Variants in DNAH9 observed in about 807,000 individuals in gnomAD.
The protein encoded by DNAH9 is dynein axonemal heavy chain 9.
DNAH9 carries 345 observed loss-of-function variants against 471.6 expected under a neutral mutation model. That is an observed-to-expected ratio of 0.73 (90% CI 0.67 to 0.80). The LOEUF is 0.80. Ranked by LOEUF, DNAH9 falls within the 30% of genes least tolerant of loss-of-function variation. The pLI, the probability that DNAH9 is intolerant of heterozygous loss-of-function variation, is 0.00. For synonymous variants in DNAH9, 2,093 were observed against 2,123.6 expected (o/e 0.99, Z 0.40); for missense variants, 5,407 against 5,609.2 (o/e 0.96, Z 1.15).
intron 48 of DNAH9, among the ~76,000 whole-genome samples, chr17:11,825,858 G>A (rs1345137777): frequency 6.6e-6 from 1 of 152,178 alleles, no homozygotes; most frequent in Non-Finnish European, 1.5e-5. Flanking sequence ...AATGAGGGAA[G>A]AGGTTTTCTA....
At chr17:11,668,693 A>G (rs1291579396) in intron 15 of DNAH9, among the ~76,000 whole-genome samples, 1 of 148,156 alleles carries the variant, frequency 6.7e-6, no homozygotes, top group Non-Finnish European at 1.5e-5. Context: ...AAAACAATCA[A>G]TCTCTTCTCA....
At chr17:11,658,226 T>A (rs1427934516) in intron 14 of DNAH9, among the ~76,000 whole-genome samples, 4 of 152,140 alleles carry the variant, frequency 2.6e-5, no homozygotes, top group African/African-American at 9.7e-5. Flanking sequence ...TGTAGAAGTC[T>A]CACACATTTT....
Position 11,892,009 on chromosome 17 carries a change from G to T in DNAH9, c.11283+62G>T, listed in dbSNP as rs1973068005. On this transcript the variant is annotated intron_variant, in intron 58 of 68. Transcript: ENST00000262442. The surrounding 1 kb of genome is among the most constrained non-coding windows in gnomAD (Gnocchi z 4.3). ...TATTTTTAGTGCCCAGACAGCAGGT[G>T]TTAAGAAACTTTCTTCTTTGAACAT... The T allele has an allele frequency of 6.4e-7, 1 of 1,571,912 alleles. No individual in the cohort carries two copies. The highest frequency in any genetic ancestry group is 8.7e-7 in the Non-Finnish European group (1 of 1,148,918).
intron 35 of DNAH9, among the ~76,000 whole-genome samples, chr17:11,759,830 G>A (rs1597604798): frequency 2.0e-5 from 3 of 152,040 alleles, no homozygotes; most frequent in Admixed American, 2.0e-4. Context: ...GGGACTACAG[G>A]CACGTGCCAC....
intron 67 of DNAH9, among the ~76,000 whole-genome samples, chr17:11,956,811 C>T (rs1469719993): frequency 6.6e-6 from 1 of 151,312 alleles, no homozygotes; most frequent in Non-Finnish European, 1.5e-5. Context: ...GCATGAGATG[C>T]GAATATCAGC....
At chr17:11,709,528 A>G (rs1361363379) in intron 26 of DNAH9, among the ~76,000 whole-genome samples, 1 of 152,170 alleles carries the variant, frequency 6.6e-6, no homozygotes, top group South Asian at 2.1e-4. Flanking sequence ...TGATCCATAC[A>G]ACCTTTGCAC....
intron 38 of DNAH9, among the ~76,000 whole-genome samples, chr17:11,779,418 A>C (rs967971449): frequency 6.6e-6 from 1 of 152,166 alleles, no homozygotes; most frequent in Non-Finnish European, 1.5e-5. Context: ...AGCATGGCCA[A>C]GAAGGGATCA....
chr17:11,803,131 A>G (rs548522385), intron 43 of DNAH9, among the ~76,000 whole-genome samples: 1 of 152,294 alleles, frequency 6.6e-6, no homozygotes, highest in Admixed American at 6.5e-5. Flanking sequence ...TTTCCTTAGT[A>G]GTACCACTTT....
chr17:11,847,592 C>T (rs1971271230), intron 49 of DNAH9, among the ~76,000 whole-genome samples: 1 of 151,974 alleles, frequency 6.6e-6, no homozygotes, highest in African/African-American at 2.4e-5. Flanking sequence ...GTTTTGGTAC[C>T]AGTGCCATAA....
chr17:11,655,224 G>T (rs1358128099), intron 14 of DNAH9, among the ~76,000 whole-genome samples: 1 of 151,832 alleles, frequency 6.6e-6, no homozygotes, highest in Admixed American at 6.6e-5. Context: ...CCACTTATGA[G>T]TGAGAACATA....
rs1477319576 is a variant in DNAH9 at position 11,651,179 on chromosome 17, G to T, written c.2208G>T (p.Val736=). 1 of 1,614,088 alleles carries T rather than the reference G, an allele frequency of 6.2e-7. No individual in the cohort carries two copies. The highest frequency in any genetic ancestry group is 1.7e-5 in the Admixed American group (1 of 60,014). Residue 736 remains valine (V), a synonymous_variant, in exon 13 of 69, where the codon GTG becomes GTT. Coordinates refer to ENST00000262442, the MANE Select transcript of DNAH9 (RefSeq NM_001372.4). The part of the protein sequence containing the change: ...FSSRDFYRQL[V]ANLELMANWY... ...CCAGGGATTTCTATCGGCAGCTTGT[G>T]GCTAATTTAGAGTTGATGGCAAATT... is the stretch of plus-strand genomic sequence containing the variant.
intron 41 of DNAH9, among the ~76,000 whole-genome samples, chr17:11,787,596 C>T (rs1257858186): frequency 6.6e-6 from 1 of 152,186 alleles, no homozygotes; most frequent in Non-Finnish European, 1.5e-5. Flanking sequence ...TTCAGAACTT[C>T]TCTGTACTCC....
At chr17:11,671,109 A>C (rs371454034) in intron 17 of DNAH9, among the ~76,000 whole-genome samples, 1 of 152,228 alleles carries the variant, frequency 6.6e-6, no homozygotes, top group South Asian at 2.1e-4. Flanking sequence ...GGGTGGTAGG[A>C]CTGTGACAGA....
intron 11 of DNAH9, among the ~76,000 whole-genome samples, chr17:11,646,771 G>C (rs2073400304): frequency 6.6e-6 from 1 of 152,138 alleles, no homozygotes. Context: ...AAATTAGCCA[G>C]GCGTGGTGGC....
Position 11,629,466 on chromosome 17 carries a change from T to A in DNAH9, c.1400T>A (p.Phe467Tyr). 6.2e-7 allele frequency: 1 copy of A among 1,614,142 alleles called. No individual in the cohort carries two copies. Among genetic ancestry groups the A allele is most frequent in the Non-Finnish European group, 8.5e-7 (1 of 1,180,006 alleles). ...LDFHKLGKVE[F>Y]SGVRGNALSQ... The stretch of plus-strand genomic sequence containing the variant: ...TTCCACAAACTGGGAAAGGTGGAGT[T>A]CAGCGGCGTCAGAGGGAATGCTCTG... The change falls in exon 7 of 69, where the codon TTC becomes TAC. Residue 467 changes from phenylalanine (F) to tyrosine (Y), a missense_variant. By Grantham distance (22) the Phe-to-Tyr change is conservative. Transcript: ENST00000262442.
chr17:11,832,530 T>A (rs540333315), intron 48 of DNAH9, among the ~76,000 whole-genome samples: 1 of 152,338 alleles, frequency 6.6e-6, no homozygotes, highest in East Asian at 1.9e-4. Flanking sequence ...CCTTCCAACT[T>A]GTGAATGTAA....
At chr17:11,604,705 T>TC (rs1198100398) in intron 1 of DNAH9, among the ~76,000 whole-genome samples, 9 of 152,138 alleles carry the variant, frequency 5.9e-5, no homozygotes, top group Non-Finnish European at 1.0e-4. Context: ...CCTTTTTTTT[T>TC]CTCTTGCGAC....
At chr17:11,938,949 C>T (rs1446936707) in intron 66 of DNAH9, among the ~76,000 whole-genome samples, 1 of 152,044 alleles carries the variant, frequency 6.6e-6, no homozygotes, top group East Asian at 1.9e-4. Flanking sequence ...AAGTAAACAT[C>T]CTTGGGAAGA....
At chr17:11,867,162 G>A (rs1225468693) in intron 50 of DNAH9, among the ~76,000 whole-genome samples, 1 of 152,184 alleles carries the variant, frequency 6.6e-6, no homozygotes, top group Non-Finnish European at 1.5e-5. Flanking sequence ...CAGCCATCTT[G>A]GCTCCTCTCC....
Sources: gnomAD v4.1 joint callset for allele counts (sites outside exome capture counted in the v4.1 genomes callset) on GRCh38, gnomAD v4.1.1 for gene constraint, Gnocchi (gnomAD v3.1) non-coding constraint, MANE v1.5 for transcripts, NCBI Gene and HGNC (gene_info 2026-07-23, HGNC 2026-07-21) for gene names.